Variants in NRXN3 observed in about 807,000 individuals in gnomAD.
NRXN3 encodes neurexin III.
Under a neutral mutation model 137.6 loss-of-function variants are expected in NRXN3, and 32 were observed. The observed-to-expected ratio is 0.23, with a 90% CI of 0.18 to 0.31. The LOEUF (loss-of-function observed/expected upper bound fraction) is 0.31, where lower values mean the gene tolerates loss of function less well. Ranked by LOEUF, NRXN3 falls within the 10% of genes least tolerant of loss-of-function variation. The pLI is 1.00. For missense variants in NRXN3, 1,574 were observed against 2,062.5 expected (o/e 0.76, Z 4.59); for synonymous variants, 798 against 784.5 (o/e 1.02, Z -0.29).
chr14:79,632,015 T>C (rs1273363847), intron 16 of NRXN3, among the ~76,000 whole-genome samples: 4 of 152,164 alleles, frequency 2.6e-5, no homozygotes, highest in African/African-American at 9.7e-5. Flanking sequence ...GCAGGCCACC[T>C]GAGCCAGCAG....
At chr14:78,636,009 C>G (rs1247993171) in intron 4 of NRXN3, among the ~76,000 whole-genome samples, 4 of 152,058 alleles carry the variant, frequency 2.6e-5, no homozygotes, top group Admixed American at 2.6e-4. Flanking sequence ...TGAAAGCAAC[C>G]CAAGGACCAG....
intron 6 of NRXN3, among the ~76,000 whole-genome samples, chr14:78,684,464 C>G (rs995105882): frequency 6.6e-6 from 1 of 152,242 alleles, no homozygotes; most frequent in East Asian, 1.9e-4. Flanking sequence ...CCAGGAGACA[C>G]GGAAGTCAGG....
chr14:78,456,913 CT>C (rs1271946783), intron 4 of NRXN3, among the ~76,000 whole-genome samples: 1 of 147,082 alleles, frequency 6.8e-6, no homozygotes, highest in Non-Finnish European at 1.5e-5. Flanking sequence ...TCCTTCCTTC[CT>C]TCCTTCCTCT....
At chr14:78,706,338 G>C (rs969675306) in intron 6 of NRXN3, among the ~76,000 whole-genome samples, 3 of 152,210 alleles carry the variant, frequency 2.0e-5, no homozygotes, top group Non-Finnish European at 4.4e-5. Context: ...ACTCACTTGA[G>C]TGATTGCCTG....
intron 6 of NRXN3, among the ~76,000 whole-genome samples, chr14:78,682,631 A>C (rs936020943): frequency 1.3e-5 from 2 of 151,938 alleles, no homozygotes; most frequent in Admixed American, 1.3e-4. Context: ...CTAAGTGCTT[A>C]CTTGTAGGAA....
intron 19 of NRXN3, among the ~76,000 whole-genome samples, chr14:79,740,711 TTTATATATATATATATATATA>T (rs1568073135): frequency 6.7e-5 from 1 of 14,916 alleles, no homozygotes; most frequent in Non-Finnish European, 1.1e-4. Flanking sequence ...CATTTAGTTT[TTTATATATATATATATATATA>T]TATATATATA....
At chr14:78,740,539 C>A (rs1595394689) in intron 8 of NRXN3, among the ~76,000 whole-genome samples, 1 of 111,602 alleles carries the variant, frequency 9.0e-6, no homozygotes, top group African/African-American at 2.5e-5. Context: ...CTTCTCTTTT[C>A]TTTTCTTTTT....
intron 4 of NRXN3, among the ~76,000 whole-genome samples, chr14:78,393,951 TG>T (rs1221057215): frequency 6.6e-6 from 1 of 152,022 alleles, no homozygotes; most frequent in Non-Finnish European, 1.5e-5. Flanking sequence ...TCTTGTGTCC[TG>T]TGACCTTGCT....
chr14:78,805,365 A>T (rs1174731022), intron 9 of NRXN3, among the ~76,000 whole-genome samples: 1 of 152,064 alleles, frequency 6.6e-6, no homozygotes, highest in Admixed American at 6.6e-5. Context: ...CCTCCCCGCC[A>T]TCAACCATGG....
At chr14:78,171,633 GA>G (rs1420178544) in intron 1 of NRXN3, among the ~76,000 whole-genome samples, 1 of 151,756 alleles carries the variant, frequency 6.6e-6, no homozygotes, top group Non-Finnish European at 1.5e-5. Flanking sequence ...TGATGACAAG[GA>G]AAAAAATGTG....
intron 15 of NRXN3, chr14:79,201,046 G>C (rs536757929): frequency 1.3e-5 from 2 of 152,124 alleles, no homozygotes; most frequent in South Asian, 4.2e-4. Context: ...CAATGGCACA[G>C]ACTGAGTCAA....
At chr14:78,236,110 TAA>T (rs1343677533) in intron 1 of NRXN3, among the ~76,000 whole-genome samples, 2 of 152,214 alleles carry the variant, frequency 1.3e-5, no homozygotes. Flanking sequence ...GGAAGTGCAT[TAA>T]GTTGCTTTTA....
intron 4 of NRXN3, among the ~76,000 whole-genome samples, chr14:78,408,027 A>G (rs893331487): frequency 3.3e-5 from 5 of 152,166 alleles, no homozygotes; most frequent in African/African-American, 1.2e-4. Context: ...ATGGGTTGGT[A>G]TTTCTAGAAA....
At chr14:78,857,945 A>G (rs1321134054) in intron 10 of NRXN3, among the ~76,000 whole-genome samples, 1 of 152,286 alleles carries the variant, frequency 6.6e-6, no homozygotes, top group African/African-American at 2.4e-5. Context: ...ACCCTTATCC[A>G]AGATTCTGAA....
chr14:79,802,449 C>A (rs952136063), intron 19 of NRXN3, among the ~76,000 whole-genome samples: 1 of 152,120 alleles, frequency 6.6e-6, no homozygotes, highest in Non-Finnish European at 1.5e-5. Context: ...CATTTCAATT[C>A]CAAAGATATA....
At chr14:78,993,495 G>T (rs999950422) in intron 15 of NRXN3, among the ~76,000 whole-genome samples, 1 of 152,070 alleles carries the variant, frequency 6.6e-6, no homozygotes, top group East Asian at 1.9e-4. Context: ...TTCATTCCCC[G>T]CCATTGTTTT....
At chr14:78,979,786 TG>T (rs1265863313) in intron 14 of NRXN3, among the ~76,000 whole-genome samples, 1 of 152,192 alleles carries the variant, frequency 6.6e-6, no homozygotes, top group Non-Finnish European at 1.5e-5. Flanking sequence ...ACGTCTTACA[TG>T]GAGGCAGGCA....
chr14:79,467,874 T>G (rs1358653103), intron 16 of NRXN3, among the ~76,000 whole-genome samples: 1 of 152,228 alleles, frequency 6.6e-6, no homozygotes, highest in African/African-American at 2.4e-5. Flanking sequence ...GCCTTTGTAA[T>G]GTGAAGGCAG....
At chr14:78,492,896 G>T (rs1018434504) in intron 4 of NRXN3, among the ~76,000 whole-genome samples, 4 of 152,196 alleles carry the variant, frequency 2.6e-5, no homozygotes, top group African/African-American at 9.7e-5. Context: ...TTATGTGTAA[G>T]CATAGCTTTG....
Sources: allele counts gnomAD v4.1 joint callset (sites outside exome capture counted in the v4.1 genomes callset), GRCh38; gene constraint gnomAD v4.1.1; transcripts MANE v1.5; gene names NCBI Gene and HGNC (gene_info 2026-07-23, HGNC 2026-07-21).